The following EPB41L4B variants were observed in gnomAD, a reference collection of about 807,000 sequenced individuals.
EPB41L4B encodes band 4.1-like protein 4B.
Under a neutral mutation model 112.5 loss-of-function variants are expected in EPB41L4B, and 30 were observed. The observed-to-expected ratio is 0.27, with a 90% confidence interval of 0.20 to 0.36. EPB41L4B has a LOEUF of 0.36. Ranked by LOEUF, EPB41L4B falls within the 10% of genes least tolerant of loss-of-function variation. EPB41L4B has a pLI of 1.00. For missense variants in EPB41L4B, 1,024 were observed against 1,133.3 expected (o/e 0.90, Z 1.38); for synonymous variants, 408 against 439.7 (o/e 0.93, Z 0.90).
chr9:109,192,824 G>A (rs866859478), intron 21 of EPB41L4B, among the ~76,000 whole-genome samples: 1 of 152,138 alleles, frequency 6.6e-6, no homozygotes, highest in South Asian at 2.1e-4. Context: ...TTGCCCTCCT[G>A]CTCTGGGGTC....
chr9:109,231,641 G>A (rs1833955811), intron 15 of EPB41L4B, among the ~76,000 whole-genome samples: 1 of 152,216 alleles, frequency 6.6e-6, no homozygotes, highest in African/African-American at 2.4e-5. Flanking sequence ...CCTGTGTGAG[G>A]TAGGACAGGA....
intron 15 of EPB41L4B, among the ~76,000 whole-genome samples, chr9:109,233,908 C>G (rs17200841): frequency 3.9e-5 from 6 of 152,034 alleles, no homozygotes. Context: ...ATTATAAATG[C>G]TAAGATGACA....
chr9:109,293,717 A>AAAAAATAAAAAAAAAAAAAAAAAAAAC (rs1564326022), intron 1 of EPB41L4B, among the ~76,000 whole-genome samples: 1 of 143,610 alleles, frequency 7.0e-6, no homozygotes, highest in Non-Finnish European at 1.5e-5. Flanking sequence ...AAAAAAAAAA[A>AAAAAATAAAAAAAAAAAAAAAAAAAAC]AAACATAAAC....
intron 25 of EPB41L4B, among the ~76,000 whole-genome samples, chr9:109,176,221 G>A (rs1459962176): frequency 1.3e-5 from 2 of 151,702 alleles, no homozygotes; most frequent in African/African-American, 2.4e-5. Flanking sequence ...TCCACCTACT[G>A]GGTTCAAGTG....
chr9:109,220,560 G>A (rs891375603), intron 15 of EPB41L4B, among the ~76,000 whole-genome samples: 5 of 152,212 alleles, frequency 3.3e-5, no homozygotes, highest in Non-Finnish European at 7.3e-5. Flanking sequence ...TGTGTAAGCA[G>A]GGCTTGCAGA....
At chr9:109,206,525 G>T (rs142117759) in intron 18 of EPB41L4B, among the ~76,000 whole-genome samples, 5 of 152,174 alleles carry the variant, frequency 3.3e-5, no homozygotes, top group African/African-American at 1.2e-4. Flanking sequence ...ATCACGGACT[G>T]CAGCTTTTTA....
At chr9:109,210,743 T>C (rs1833137716) in intron 17 of EPB41L4B, among the ~76,000 whole-genome samples, 1 of 152,228 alleles carries the variant, frequency 6.6e-6, no homozygotes, top group Non-Finnish European at 1.5e-5. Flanking sequence ...CAGATAAGCA[T>C]CTGGGTTCCA....
At chr9:109,308,889 C>A (rs538198222) in intron 1 of EPB41L4B, among the ~76,000 whole-genome samples, 1 of 152,056 alleles carries the variant, frequency 6.6e-6, no homozygotes, top group Non-Finnish European at 1.5e-5. Context: ...ACCAGCCTGG[C>A]CAACATGGTG....
At chr9:109,275,063 T>C (rs1411000465) in intron 2 of EPB41L4B, among the ~76,000 whole-genome samples, 1 of 152,222 alleles carries the variant, frequency 6.6e-6, no homozygotes, top group Admixed American at 6.5e-5. Flanking sequence ...AGTGGGTTCC[T>C]GGATGGCCTC....
At chr9:109,278,678 T>A (rs1156557054) in intron 2 of EPB41L4B, among the ~76,000 whole-genome samples, 2 of 152,116 alleles carry the variant, frequency 1.3e-5, no homozygotes, top group East Asian at 3.9e-4. Context: ...CTCCCCCCAG[T>A]CCACCCTTTC....
intron 1 of EPB41L4B, among the ~76,000 whole-genome samples, chr9:109,306,664 C>A (rs1408760776): frequency 6.6e-6 from 1 of 152,118 alleles, no homozygotes; most frequent in Non-Finnish European, 1.5e-5. Context: ...AGGGGTCCCA[C>A]CTCCCAAGCC....
chr9:109,252,687 C>T (rs1381067012), intron 12 of EPB41L4B, among the ~76,000 whole-genome samples: 3 of 152,076 alleles, frequency 2.0e-5, no homozygotes, highest in African/African-American at 7.2e-5. Context: ...CAGAAGGGGC[C>T]AGGAGGCTGG....
intron 15 of EPB41L4B, among the ~76,000 whole-genome samples, chr9:109,232,531 C>T (rs1259285598): frequency 2.6e-5 from 4 of 152,172 alleles, no homozygotes; most frequent in African/African-American, 9.7e-5. Flanking sequence ...GATTCTTTGT[C>T]ATCCTGTGCA....
At chr9:109,203,563 C>A in intron 19 of EPB41L4B, 100 bp downstream of exon 19, 1 of 985,290 alleles carries the variant, frequency 1.0e-6, no homozygotes. Flanking sequence ...TTTATTTGTC[C>A]TCTGATTTTA....
At chr9:109,311,037 G>C (rs150485893) in intron 1 of EPB41L4B, among the ~76,000 whole-genome samples, 1,594 of 152,230 alleles carry the variant, frequency 0.01, 30 homozygotes, top group African/African-American at 0.036. Flanking sequence ...GGTTTGGGGG[G>C]AGTGAAAATA....
At chr9:109,183,585 G>T (rs575728768) in intron 23 of EPB41L4B, among the ~76,000 whole-genome samples, 1 of 152,312 alleles carries the variant, frequency 6.6e-6, no homozygotes, top group South Asian at 2.1e-4. Context: ...GAAATGGAAG[G>T]GCTTATTTTT....
intron 11 of EPB41L4B, among the ~76,000 whole-genome samples, 191 bp from the exon 12 acceptor site, chr9:109,253,741 C>T (rs998243599): frequency 1.3e-5 from 2 of 152,210 alleles, no homozygotes; most frequent in African/African-American, 4.8e-5. Flanking sequence ...GTCCAGGCTA[C>T]AGTCCAGGGG....
chr9:109,200,194 T>C (rs778978187), intron 20 of EPB41L4B, 42 bp downstream of exon 20: 1 of 1,489,860 alleles, frequency 6.7e-7, no homozygotes, highest in African/African-American at 1.4e-5. Flanking sequence ...CAATTAGTCA[T>C]CATAGTTGTT....
Position 109,212,859 on chromosome 9 carries a change from G to A in EPB41L4B, c.1752+841C>T, listed in dbSNP as rs543138783. 5.3e-5 allele frequency among the ~76,000 whole-genome samples: 8 copies of A among 152,294 alleles called. No homozygotes were observed. In the South Asian group the frequency reaches 1.5e-3, roughly 28 times the overall value. ...ATGGGGGTCCCTAGTGGCATTTAGT[G>A]CATTGTGGCTGCAAAACATTTTACA... On this transcript the variant is annotated intron_variant, in intron 17 of 25. Coordinates refer to ENST00000374566, the MANE Select transcript of EPB41L4B (RefSeq NM_019114.5).
Sources: gnomAD v4.1 joint callset for allele counts (sites outside exome capture counted in the v4.1 genomes callset) on GRCh38, gnomAD v4.1.1 for gene constraint, MANE v1.5 for transcripts, NCBI Gene and HGNC (gene_info 2026-07-23, HGNC 2026-07-21) for gene names.